The following DTHD1 variants were observed in gnomAD, a reference collection of about 807,000 sequenced individuals.
The protein encoded by DTHD1 is death domain-containing protein 1.
DTHD1 carries 59 observed loss-of-function variants against 74.8 expected under a neutral mutation model. The ratio of observed to expected loss-of-function variants is 0.79; its 90% CI spans 0.64 to 0.98. The LOEUF (loss-of-function observed/expected upper bound fraction) is 0.98, where lower values mean the gene tolerates loss of function less well. Among genes scored for constraint, DTHD1 ranks in the 50% least tolerant of loss-of-function variants. The pLI, the probability that DTHD1 is intolerant of heterozygous loss-of-function variation, is 0.00. For synonymous variants in DTHD1, 365 were observed against 371.1 expected, an observed-to-expected ratio of 0.98 and a Z score of 0.19; for missense variants, 1,051 against 1,065.4, an observed-to-expected ratio of 0.99 and a Z score of 0.19.
intron 8 of DTHD1, among the ~76,000 whole-genome samples, chr4:36,337,119 G>C (rs1395946640): frequency 3.9e-5 from 6 of 152,050 alleles, no homozygotes; most frequent in African/African-American, 1.4e-4. Context: ...AGGTTCAAAA[G>C]GTAGTGTGCA....
chr4:36,319,209 C>T (rs1757922325), intron 8 of DTHD1, among the ~76,000 whole-genome samples: 1 of 152,148 alleles, frequency 6.6e-6, no homozygotes, highest in South Asian at 2.1e-4. Context: ...GAATGAAGGA[C>T]CCTGTCTATT....
intron 7 of DTHD1, among the ~76,000 whole-genome samples, chr4:36,312,153 C>T (rs554225338): frequency 6.6e-6 from 1 of 151,832 alleles, no homozygotes; most frequent in Non-Finnish European, 1.5e-5. Flanking sequence ...GTTATTCAAG[C>T]CCCAACTGCA....
intron 8 of DTHD1, among the ~76,000 whole-genome samples, chr4:36,322,477 C>T (rs577236741): frequency 9.3e-4 from 142 of 152,068 alleles, no homozygotes; most frequent in Non-Finnish European, 1.4e-3. Context: ...AGGGGACTAC[C>T]GAGCTGAGGA....
intron 8 of DTHD1, among the ~76,000 whole-genome samples, chr4:36,334,160 G>A (rs1758861226): frequency 6.6e-6 from 1 of 152,070 alleles, no homozygotes; most frequent in Non-Finnish European, 1.5e-5. Context: ...GATAATTCAT[G>A]TAGGGTTTGA....
At chr4:36,285,260 TATA>T (rs1226026245) in intron 2 of DTHD1, among the ~76,000 whole-genome samples, 1 of 152,166 alleles carries the variant, frequency 6.6e-6, no homozygotes, top group Non-Finnish European at 1.5e-5. Context: ...CGAGTTCAAA[TATA>T]ATAAGAAAAA....
At position 36,343,931 on chromosome 4, in the gene DTHD1, T is replaced by A; in HGVS notation, c.*107T>A. ...CGAATGATATTATTTGAAGTCAGTCTATTTAATGATGTGCTATTTAATGAT... is the reference window on the plus strand; with the variant it reads ...CGAATGATATTATTTGAAGTCAGTCAATTTAATGATGTGCTATTTAATGAT... On this transcript the variant is annotated 3_prime_UTR_variant, in exon 10 of 10. Transcript: ENST00000639862. 9.3e-7 allele frequency: 1 copy of A among 1,073,880 alleles called. No individual in the cohort carries two copies. 66.5% of individuals were successfully genotyped at this position (1,073,880 alleles called of 1,614,324 possible).
At chr4:36,331,430 A>G (rs1351605681) in intron 8 of DTHD1, among the ~76,000 whole-genome samples, 2 of 152,366 alleles carry the variant, frequency 1.3e-5, no homozygotes, top group East Asian at 3.9e-4. Flanking sequence ...AGGAAAAGTC[A>G]GGACTTATAA....
intron 7 of DTHD1, among the ~76,000 whole-genome samples, chr4:36,312,685 G>A (rs1279252905): frequency 2.6e-5 from 4 of 152,082 alleles, no homozygotes; most frequent in South Asian, 4.2e-4. Context: ...CACTGAACTC[G>A]GTGGCAACTT....
chr4:36,344,651 G>A lies in DTHD1; in HGVS notation c.*827G>A, dbSNP rs953344633. 1 of 152,134 alleles carries A rather than the reference G, an allele frequency of 6.6e-6. No homozygotes were observed. Among genetic ancestry groups the A allele is most frequent in the Admixed American group, 6.5e-5 (1 of 15,268 alleles). 9.4% of individuals were successfully genotyped at this position (152,134 alleles called of 1,614,324 possible). A position where few individuals can be genotyped will look rare whatever the true frequency, so the allele number is the denominator to read the frequency against. Reference sequence around the variant, plus strand: ...CCTAAGGTCTGTTGAAATTTATGCTGGCCAGCTTTTCCTGAATTCCAAAAG... The same window carrying A: ...CCTAAGGTCTGTTGAAATTTATGCTAGCCAGCTTTTCCTGAATTCCAAAAG... On this transcript the variant is annotated 3_prime_UTR_variant, in exon 10 of 10. Coordinates refer to ENST00000639862, the MANE Select transcript of DTHD1 (RefSeq NM_001170700.3).
intron 5 of DTHD1, 50 bp downstream of exon 5, chr4:36,295,089 C>T (rs1482032115): frequency 1.3e-5 from 19 of 1,419,898 alleles, no homozygotes; most frequent in Non-Finnish European, 1.7e-5. Context: ...AACAAAGAAG[C>T]TTAGATGATT....
chr4:36,316,103 T>A, intron 7 of DTHD1, 139 bp from the exon 8 acceptor site: 1 of 729,780 alleles, frequency 1.4e-6, no homozygotes, highest in Admixed American at 3.2e-5. Flanking sequence ...GCCCGGTTAA[T>A]TTTTTGTATT....
intron 7 of DTHD1, among the ~76,000 whole-genome samples, chr4:36,308,863 A>C (rs1757216334): frequency 6.6e-6 from 1 of 152,178 alleles, no homozygotes. Flanking sequence ...GTGATCATTT[A>C]AAAACATAAA....
At position 36,294,858 on chromosome 4, in the gene DTHD1, GT is replaced by G. The variant is rs1422014187; in HGVS notation, c.1463del (p.Val488AlafsTer7). 1 of 1,551,538 alleles carries G rather than the reference GT, an allele frequency of 6.4e-7. No homozygotes were observed. Among genetic ancestry groups the G allele is most frequent in the Non-Finnish European group, 8.7e-7 (1 of 1,146,668 alleles). On this transcript the variant is annotated frameshift_variant, in exon 5 of 10. Transcript: ENST00000639862. LOFTEE classifies it high-confidence loss of function. ...AGCACAGCAAGATACTTTCTACTCAGTCCAATCCACAAGCCCTCTGATTCAC... is the reference window on the plus strand; with the variant it reads ...AGCACAGCAAGATACTTTCTACTCAGCCAATCCACAAGCCCTCTGATTCAC... ...LKAQQDTFYS[V>X]QSTSPLIHIQ...
intron 5 of DTHD1, among the ~76,000 whole-genome samples, chr4:36,305,427 C>A (rs1398616974): frequency 6.6e-6 from 1 of 152,062 alleles, no homozygotes; most frequent in Non-Finnish European, 1.5e-5. Flanking sequence ...CCTTATAAAA[C>A]CATCGTATCT....
Position 36,344,984 on chromosome 4 carries a change from C to A in DTHD1, c.*1160C>A, listed in dbSNP as rs893467461. The A allele has an allele frequency of 6.6e-6, 1 of 152,146 alleles. No homozygotes were observed. Among genetic ancestry groups the A allele is most frequent in the Admixed American group, 6.6e-5 (1 of 15,260 alleles). 9.4% of individuals were successfully genotyped at this position (152,146 alleles called of 1,614,324 possible). On this transcript the variant is annotated 3_prime_UTR_variant, in exon 10 of 10. Coordinates refer to ENST00000639862, the MANE Select transcript of DTHD1 (RefSeq NM_001170700.3). ...AATAGAATAACACTTCAGCCATTTA[C>A]TGGCACAGACTTTTCCTTTATAAAA...
chr4:36,289,097 A>C (rs1050276002), intron 2 of DTHD1, among the ~76,000 whole-genome samples: 4 of 152,200 alleles, frequency 2.6e-5, no homozygotes, highest in African/African-American at 9.7e-5. Flanking sequence ...ATTTACAAGT[A>C]ATTGAAAAAC....
intron 8 of DTHD1, among the ~76,000 whole-genome samples, chr4:36,330,114 A>G (rs1758580821): frequency 6.6e-6 from 1 of 152,182 alleles, no homozygotes; most frequent in Admixed American, 6.5e-5. Flanking sequence ...ATGGCATTGT[A>G]TATGCTTACT....
At position 36,293,621 on chromosome 4, in the gene DTHD1, C is replaced by T. The variant is rs368662128; in HGVS notation, c.1314C>T (p.Leu438=). The change falls in exon 4 of 10, where the codon CTC becomes CTT. Residue 438 remains leucine, a synonymous_variant. Coordinates refer to ENST00000639862, the MANE Select transcript of DTHD1 (RefSeq NM_001170700.3). ...KESFTVTKKG[L]ALKSSMDSRI... ...CGTTCACAGTAACAAAGAAAGGCCT[C>T]GCTCTTAAGTCAAGCATGGATTCCC... 56 of 1,549,186 alleles carry T rather than the reference C, an allele frequency of 3.6e-5. No individual in the cohort carries two copies. Among genetic ancestry groups the T allele is most frequent in the Non-Finnish European group, 4.6e-5 (53 of 1,145,408 alleles).
chr4:36,315,237 G>A (rs1578469384), intron 7 of DTHD1, among the ~76,000 whole-genome samples: 1 of 152,238 alleles, frequency 6.6e-6, no homozygotes, highest in East Asian at 1.9e-4. Flanking sequence ...GTAAGTGAAA[G>A]GTTATGTTCA....
Sources: allele counts gnomAD v4.1 joint callset (sites outside exome capture counted in the v4.1 genomes callset), GRCh38; gene constraint gnomAD v4.1.1; transcripts MANE v1.5; gene names NCBI Gene and HGNC (gene_info 2026-07-23, HGNC 2026-07-21).